SGCZ: variants seen among roughly 807,000 people sequenced by gnomAD.
SGCZ encodes sarcoglycan zeta.
Under a neutral mutation model 41.3 loss-of-function variants are expected in SGCZ, and 40 were observed. The ratio of observed to expected loss-of-function variants is 0.97; its 90% CI spans 0.75 to 1.26. The LOEUF is 1.26. Among genes scored for constraint, SGCZ ranks in the 50% most tolerant of loss-of-function variants. SGCZ has a pLI of 0.00. For missense variants in SGCZ, 552 were observed against 369.8 expected (o/e 1.49, Z -4.04); for synonymous variants, 206 against 137.5 (o/e 1.50, Z -3.49).
chr8:15,114,243 C>T (rs1322669656), intron 1 of SGCZ, among the ~76,000 whole-genome samples: 2 of 152,114 alleles, frequency 1.3e-5, no homozygotes, highest in Non-Finnish European at 2.9e-5. Flanking sequence ...GGAGAGAACC[C>T]TGTCCTGGAT....
At chr8:14,998,656 G>A (rs886111273) in intron 1 of SGCZ, among the ~76,000 whole-genome samples, 1 of 152,132 alleles carries the variant, frequency 6.6e-6, no homozygotes, top group Non-Finnish European at 1.5e-5. Flanking sequence ...AATTTTACTA[G>A]GTATAAATGT....
intron 1 of SGCZ, among the ~76,000 whole-genome samples, chr8:14,910,389 A>G (rs1003794440): frequency 6.6e-6 from 1 of 152,028 alleles, no homozygotes; most frequent in African/African-American, 2.4e-5. Context: ...AAATGGCTTA[A>G]CTCAGTGTTT....
intron 1 of SGCZ, among the ~76,000 whole-genome samples, chr8:14,800,848 A>G (rs1801299022): frequency 6.6e-6 from 1 of 152,172 alleles, no homozygotes; most frequent in African/African-American, 2.4e-5. Flanking sequence ...AAAAAATTCA[A>G]AATATAGAGG....
chr8:14,106,492 T>A (rs1585139442), intron 6 of SGCZ, among the ~76,000 whole-genome samples: 1 of 152,162 alleles, frequency 6.6e-6, no homozygotes, highest in East Asian at 1.9e-4. Flanking sequence ...CCTAGCTTGT[T>A]TGAATCTGTG....
chr8:14,367,347 G>A lies in SGCZ; in HGVS notation c.235-43143C>T, dbSNP rs1159323886. On this transcript the variant is annotated intron_variant, in intron 2 of 7. Coordinates refer to ENST00000382080, the MANE Select transcript of SGCZ (RefSeq NM_139167.4). The stretch of plus-strand genomic sequence containing the variant: ...GTTCCAAACATCCCCACATCTTCCT[G>A]TCTTCTTCTGAGCCCTCCAAACTGT... Among the ~76,000 whole-genome samples the A allele has an allele frequency of 5.9e-5, 9 of 151,992 alleles. No homozygotes were observed. In the South Asian group the frequency reaches 1.0e-3, roughly 17 times the overall value.
At chr8:14,786,627 G>A (rs935723896) in intron 1 of SGCZ, among the ~76,000 whole-genome samples, 2 of 152,060 alleles carry the variant, frequency 1.3e-5, no homozygotes, top group African/African-American at 4.8e-5. Flanking sequence ...AGATGCTGAA[G>A]CCTCCCTTAA....
chr8:15,035,360 A>T (rs1027995159), intron 1 of SGCZ, among the ~76,000 whole-genome samples: 5 of 152,130 alleles, frequency 3.3e-5, no homozygotes, highest in Admixed American at 3.3e-4. Context: ...ACAAAATATA[A>T]AAAGTAAAGT....
intron 2 of SGCZ, among the ~76,000 whole-genome samples, chr8:14,395,992 A>G (rs1438489645): frequency 1.3e-5 from 2 of 152,210 alleles, no homozygotes; most frequent in African/African-American, 4.8e-5. Flanking sequence ...CATCTAATGT[A>G]TCCTCACTGT....
intron 1 of SGCZ, among the ~76,000 whole-genome samples, chr8:14,842,928 C>G (rs1297638529): frequency 6.6e-6 from 1 of 152,162 alleles, no homozygotes; most frequent in African/African-American, 2.4e-5. Context: ...TATTAGAACC[C>G]TTGCCTGGGC....
At chr8:15,119,938 T>C (rs189801328) in intron 1 of SGCZ, among the ~76,000 whole-genome samples, 1 of 152,288 alleles carries the variant, frequency 6.6e-6, no homozygotes, top group Admixed American at 6.5e-5. Flanking sequence ...GCCTCCTGAG[T>C]AGCTAGAACT....
chr8:14,413,205 A>G (rs1799407405), intron 2 of SGCZ, among the ~76,000 whole-genome samples: 1 of 152,050 alleles, frequency 6.6e-6, no homozygotes, highest in Non-Finnish European at 1.5e-5. Context: ...ACAAAAATAT[A>G]CTTTCATGAT....
chr8:14,304,814 G>A (rs1801299862), intron 3 of SGCZ, among the ~76,000 whole-genome samples: 1 of 152,060 alleles, frequency 6.6e-6, no homozygotes, highest in Non-Finnish European at 1.5e-5. Context: ...TCATTCAATG[G>A]TAATTCCAGA....
chr8:14,540,989 T>TATATATATG (rs1803448837), intron 2 of SGCZ, among the ~76,000 whole-genome samples: 1 of 150,790 alleles, frequency 6.6e-6, no homozygotes, highest in South Asian at 2.1e-4. Flanking sequence ...TGTTCTTATG[T>TATATATATG]ATATATATGT....
At chr8:14,223,019 C>A (rs894869227) in intron 4 of SGCZ, among the ~76,000 whole-genome samples, 2 of 151,768 alleles carry the variant, frequency 1.3e-5, no homozygotes, top group Non-Finnish European at 2.9e-5. Flanking sequence ...ACCATGTAGG[C>A]CAGGATGGTC....
chr8:14,554,323 T>C (rs1361653569), intron 2 of SGCZ, among the ~76,000 whole-genome samples: 1 of 152,066 alleles, frequency 6.6e-6, no homozygotes, highest in Non-Finnish European at 1.5e-5. Flanking sequence ...TAAAGGTATA[T>C]ATGTTATATG....
At chr8:14,395,722 T>C (rs1212796280) in intron 2 of SGCZ, among the ~76,000 whole-genome samples, 2 of 152,152 alleles carry the variant, frequency 1.3e-5, no homozygotes, top group Non-Finnish European at 1.5e-5. Flanking sequence ...GGGCTACTTG[T>C]TGAATGAACA....
chr8:14,224,118 C>A (rs1190967709), intron 4 of SGCZ, among the ~76,000 whole-genome samples: 3 of 152,138 alleles, frequency 2.0e-5, no homozygotes, highest in East Asian at 1.9e-4. Context: ...CTTAAAGGAA[C>A]TTTTCAAAAC....
intron 1 of SGCZ, among the ~76,000 whole-genome samples, chr8:15,005,963 C>T (rs1020412058): frequency 3.0e-4 from 46 of 152,022 alleles, no homozygotes; most frequent in African/African-American, 1.1e-3. Context: ...CTTGAACTAA[C>T]AGATACTTTT....
At chr8:14,372,473 TG>T (rs1803950459) in intron 2 of SGCZ, among the ~76,000 whole-genome samples, 1 of 152,100 alleles carries the variant, frequency 6.6e-6, no homozygotes, top group Non-Finnish European at 1.5e-5. Flanking sequence ...ACTTACATTT[TG>T]GTGAGGTGAG....
Sources: allele counts gnomAD v4.1 joint callset (sites outside exome capture counted in the v4.1 genomes callset), GRCh38; gene constraint gnomAD v4.1.1; transcripts MANE v1.5; gene names NCBI Gene and HGNC (gene_info 2026-07-23, HGNC 2026-07-21).